Variants in CACNA2D3 observed in about 807,000 individuals in gnomAD.
CACNA2D3 encodes the protein voltage-dependent calcium channel subunit alpha-2/delta-3.
CACNA2D3 carries 60 observed loss-of-function variants against 160.6 expected under a neutral mutation model. That is an observed-to-expected ratio of 0.37 (90% CI 0.30 to 0.46). The LOEUF (loss-of-function observed/expected upper bound fraction) is 0.46, where lower values mean the gene tolerates loss of function less well. Ranked by LOEUF, CACNA2D3 falls within the 20% of genes least tolerant of loss-of-function variation. The pLI, the probability that CACNA2D3 is intolerant of heterozygous loss-of-function variation, is 1.00. For synonymous variants in CACNA2D3, 558 were observed against 492.9 expected (o/e 1.13, Z -1.75); for missense variants, 1,205 against 1,365.0 (o/e 0.88, Z 1.85).
intron 14 of CACNA2D3, among the ~76,000 whole-genome samples, chr3:54,832,958 C>T (rs994902114): frequency 6.6e-6 from 1 of 152,188 alleles, no homozygotes; most frequent in Non-Finnish European, 1.5e-5. Flanking sequence ...TAGGTCTAGC[C>T]ATGTTGCCAA....
At chr3:54,164,204 T>C (rs1700405333) in intron 2 of CACNA2D3, among the ~76,000 whole-genome samples, 1 of 152,142 alleles carries the variant, frequency 6.6e-6, no homozygotes, top group South Asian at 2.1e-4. Context: ...AATCAGAGGG[T>C]AGGCCCGGCT....
chr3:54,291,305 T>G (rs1703198489), intron 2 of CACNA2D3, among the ~76,000 whole-genome samples: 2 of 152,200 alleles, frequency 1.3e-5, no homozygotes, highest in Admixed American at 1.3e-4. Context: ...GCAGGAATGA[T>G]TAATATCCTT....
chr3:54,218,150 G>A (rs1701497528), intron 2 of CACNA2D3, among the ~76,000 whole-genome samples: 1 of 152,198 alleles, frequency 6.6e-6, no homozygotes, highest in Non-Finnish European at 1.5e-5. Flanking sequence ...CTCCCACTTT[G>A]TGGGACTATC....
At chr3:55,001,896 C>T (rs756558281) in intron 31 of CACNA2D3, among the ~76,000 whole-genome samples, 16 of 152,196 alleles carry the variant, frequency 1.1e-4, no homozygotes, top group Non-Finnish European at 1.8e-4. Context: ...CGGTGGCTCA[C>T]GCCCATAATC....
chr3:54,167,088 T>G (rs959774276), intron 2 of CACNA2D3, among the ~76,000 whole-genome samples: 1 of 152,232 alleles, frequency 6.6e-6, no homozygotes, highest in African/African-American at 2.4e-5. Context: ...AGAATTTCTA[T>G]GTACAGAGTG....
chr3:54,742,648 G>A (rs771771711), intron 11 of CACNA2D3, among the ~76,000 whole-genome samples: 8 of 151,984 alleles, frequency 5.3e-5, no homozygotes, highest in Non-Finnish European at 1.0e-4. Flanking sequence ...TCCACTGAAA[G>A]CTGCTTGGAA....
intron 9 of CACNA2D3, among the ~76,000 whole-genome samples, chr3:54,610,838 A>G (rs1698736864): frequency 1.3e-5 from 2 of 152,164 alleles, no homozygotes; most frequent in Admixed American, 1.3e-4. Context: ...CATGTTGGCC[A>G]GGCTGGTCTC....
At chr3:54,149,579 G>A (rs575230956) in intron 2 of CACNA2D3, among the ~76,000 whole-genome samples, 1 of 152,172 alleles carries the variant, frequency 6.6e-6, no homozygotes, top group Non-Finnish European at 1.5e-5. Context: ...CTCTCTTTGA[G>A]AGGATGTGGC....
Position 54,652,916 on chromosome 3 carries a change from GGGAT to G in CACNA2D3, c.1167+10677_1167+10680del, listed in dbSNP as rs1387678400. The stretch of plus-strand genomic sequence containing the variant: ...TCCTGTCTCAGCCTCCCAAGTAGCT[GGGAT>G]GATAGGCGCACACCACCACACCCGG... On this transcript the variant is annotated intron_variant, in intron 11 of 37. Transcript: ENST00000474759. Among the ~76,000 whole-genome samples, 12 of 151,788 alleles carry G rather than the reference GGGAT, an allele frequency of 7.9e-5. No homozygotes were observed. In the South Asian group the frequency reaches 1.3e-3, roughly 16 times the overall value.
At chr3:54,811,465 C>CTTT (rs71096451) in intron 13 of CACNA2D3, among the ~76,000 whole-genome samples, 2 of 111,616 alleles carry the variant, frequency 1.8e-5, no homozygotes, top group Non-Finnish European at 3.6e-5. Flanking sequence ...TCCCTCAGTT[C>CTTT]TTTTTTTTTT....
intron 11 of CACNA2D3, among the ~76,000 whole-genome samples, chr3:54,677,590 A>G (rs1350457794): frequency 7.0e-6 from 1 of 142,814 alleles, no homozygotes; most frequent in African/African-American, 2.6e-5. Context: ...AATTAAAACA[A>G]TGATATTTGA....
chr3:54,934,389 G>A (rs1412983588), intron 27 of CACNA2D3, among the ~76,000 whole-genome samples: 1 of 139,768 alleles, frequency 7.2e-6, no homozygotes, highest in Non-Finnish European at 1.5e-5. Context: ...AAGTGGGGAG[G>A]TTGTGTTCAT....
At chr3:54,631,496 A>C (rs1699237223) in intron 10 of CACNA2D3, among the ~76,000 whole-genome samples, 1 of 152,114 alleles carries the variant, frequency 6.6e-6, no homozygotes, top group Non-Finnish European at 1.5e-5. Flanking sequence ...GCCTGCCTTT[A>C]CAAGTCAATA....
intron 9 of CACNA2D3, among the ~76,000 whole-genome samples, chr3:54,608,403 C>G (rs1279378839): frequency 6.6e-6 from 1 of 152,196 alleles, no homozygotes; most frequent in African/African-American, 2.4e-5. Flanking sequence ...GTTTCCAGCC[C>G]TTTGCTCATC....
At chr3:54,960,669 G>A (rs34629408) in intron 27 of CACNA2D3, among the ~76,000 whole-genome samples, 4,755 of 152,256 alleles carry the variant, frequency 0.031, 110 homozygotes, top group Middle Eastern at 0.11. Flanking sequence ...TACCCAGGGG[G>A]ACAAGAGTGC....
At chr3:54,747,354 C>T (rs1701770705) in intron 11 of CACNA2D3, among the ~76,000 whole-genome samples, 2 of 152,098 alleles carry the variant, frequency 1.3e-5, no homozygotes, top group South Asian at 4.2e-4. Flanking sequence ...TCATCTCTCA[C>T]CTGGAACATT....
rs1210096036 is a variant in CACNA2D3 at position 54,846,541 on chromosome 3, A to G, written c.1626+74A>G. 5.4e-6 allele frequency: 5 copies of G among 924,552 alleles called. No homozygotes were observed. In the African/African-American group the frequency reaches 6.6e-5, roughly 12 times the overall value. 57.3% of individuals were successfully genotyped at this position (924,552 alleles called of 1,614,324 possible). A position where few individuals can be genotyped will look rare whatever the true frequency, so the allele number is the denominator to read the frequency against. On this transcript the variant is annotated intron_variant, in intron 17 of 37. Transcript: ENST00000474759. ...GATTTCCTTCAATTCAACAGTGATGACACTTTGCTGCAGTTTTCACTTTTA... is the reference window on the plus strand; with the variant it reads ...GATTTCCTTCAATTCAACAGTGATGGCACTTTGCTGCAGTTTTCACTTTTA...
chr3:54,155,135 A>G (rs907776861), intron 2 of CACNA2D3, among the ~76,000 whole-genome samples: 1 of 152,212 alleles, frequency 6.6e-6, no homozygotes, highest in Non-Finnish European at 1.5e-5. Flanking sequence ...AAAATGGAAC[A>G]TTGGAAAAGT....
At position 54,352,253 on chromosome 3, in the gene CACNA2D3, C is replaced by T. The variant is rs946810463; in HGVS notation, c.321+31695C>T. On this transcript the variant is annotated intron_variant, in intron 3 of 37. Coordinates refer to ENST00000474759, the MANE Select transcript of CACNA2D3 (RefSeq NM_018398.3). ...TTATTCCTGGGAGCCTCTACTGAGT[C>T]GTTTATAAAATAAAGGTGGTAGTAG... 3.3e-5 allele frequency among the ~76,000 whole-genome samples: 5 copies of T among 152,180 alleles called. 1 individual carries two copies. The highest frequency in any genetic ancestry group is 3.4e-3 in the Middle Eastern group (1 of 294).
Sources: gnomAD v4.1 joint callset for allele counts (sites outside exome capture counted in the v4.1 genomes callset) on GRCh38, gnomAD v4.1.1 for gene constraint, MANE v1.5 for transcripts, NCBI Gene and HGNC (gene_info 2026-07-23, HGNC 2026-07-21) for gene names.